CMSS1: variants seen among roughly 807,000 people sequenced by gnomAD.
CMSS1 encodes protein CMSS1.
Under a neutral mutation model 43.5 loss-of-function variants are expected in CMSS1, and 33 were observed. That is an observed-to-expected ratio of 0.76 (90% CI 0.57 to 1.01). The LOEUF is 1.01. Among genes scored for constraint, CMSS1 ranks in the 50% least tolerant of loss-of-function variants. The pLI, the probability that CMSS1 is intolerant of heterozygous loss-of-function variation, is 0.00. For synonymous variants in CMSS1, 115 were observed against 117.2 expected, an observed-to-expected ratio of 0.98 and a Z score of 0.12; for missense variants, 313 against 326.4, an observed-to-expected ratio of 0.96 and a Z score of 0.32.
intron 1 of CMSS1, among the ~76,000 whole-genome samples, chr3:99,955,681 C>T (rs908212417): frequency 2.0e-5 from 3 of 151,996 alleles, no homozygotes; most frequent in Admixed American, 2.0e-4. Context: ...AAATAACTTC[C>T]TGGAGCATTG....
At chr3:99,978,720 C>T (rs953232257) in intron 1 of CMSS1, among the ~76,000 whole-genome samples, 4 of 152,064 alleles carry the variant, frequency 2.6e-5, no homozygotes, top group African/African-American at 9.7e-5. Context: ...CATGGCAAAA[C>T]CCCGCCTCTT....
chr3:100,121,852 G>A (rs1268288744), intron 1 of CMSS1, among the ~76,000 whole-genome samples: 1 of 152,098 alleles, frequency 6.6e-6, no homozygotes, highest in Non-Finnish European at 1.5e-5. Context: ...CCTCACGGAG[G>A]GGCTAGAAAT....
At chr3:99,996,470 T>C (rs1709684789) in intron 1 of CMSS1, among the ~76,000 whole-genome samples, 1 of 152,138 alleles carries the variant, frequency 6.6e-6, no homozygotes, top group Admixed American at 6.5e-5. Context: ...ACCTCTGCCT[T>C]TTACCCAGTT....
intron 1 of CMSS1, among the ~76,000 whole-genome samples, chr3:99,827,604 T>G (rs995446063): frequency 2.0e-5 from 3 of 152,188 alleles, no homozygotes; most frequent in Middle Eastern, 3.4e-3. Context: ...CTACGCAAAT[T>G]TTTTCTTTTT....
intron 1 of CMSS1, among the ~76,000 whole-genome samples, chr3:99,834,188 C>G (rs1384479342): frequency 6.6e-6 from 1 of 152,156 alleles, no homozygotes; most frequent in Non-Finnish European, 1.5e-5. Flanking sequence ...AACTTTATCA[C>G]TACAAGTTTT....
chr3:99,829,168 A>T (rs1014334954), intron 1 of CMSS1, among the ~76,000 whole-genome samples: 1 of 152,216 alleles, frequency 6.6e-6, no homozygotes, highest in Non-Finnish European at 1.5e-5. Flanking sequence ...GATTTCTTCC[A>T]GGGTCATGCT....
chr3:100,094,752 C>T (rs1018327414), intron 1 of CMSS1, among the ~76,000 whole-genome samples: 34 of 137,994 alleles, frequency 2.5e-4, no homozygotes, highest in Non-Finnish European at 5.0e-4. Flanking sequence ...GGCACAATCT[C>T]GGCTCACGGC....
chr3:100,015,808 A>G (rs947920604), intron 1 of CMSS1, among the ~76,000 whole-genome samples: 4 of 152,196 alleles, frequency 2.6e-5, no homozygotes, highest in Admixed American at 6.5e-5. Context: ...AAATGAGAGG[A>G]GGGACTACTG....
intron 1 of CMSS1, among the ~76,000 whole-genome samples, chr3:99,919,947 A>G (rs1379753149): frequency 6.6e-6 from 1 of 152,246 alleles, no homozygotes; most frequent in Non-Finnish European, 1.5e-5. Context: ...ACTTGGACAG[A>G]AAAGGAACAA....
At chr3:100,155,401 C>T (rs2066962628) in intron 2 of CMSS1, among the ~76,000 whole-genome samples, 1 of 152,180 alleles carries the variant, frequency 6.6e-6, no homozygotes, top group African/African-American at 2.4e-5. Context: ...TTAATTGTTT[C>T]CATATGTTCC....
At chr3:100,134,226 C>T (rs2066732339) in intron 1 of CMSS1, among the ~76,000 whole-genome samples, 1 of 152,118 alleles carries the variant, frequency 6.6e-6, no homozygotes. Context: ...TGTACTTCAG[C>T]ATTCCACCTC....
intron 1 of CMSS1, among the ~76,000 whole-genome samples, chr3:100,044,948 G>A (rs1295458721): frequency 6.6e-6 from 1 of 152,164 alleles, no homozygotes; most frequent in Non-Finnish European, 1.5e-5. Flanking sequence ...TCTGATATGA[G>A]GTGCTGTTTC....
At chr3:100,131,683 A>G (rs1343948774) in intron 1 of CMSS1, among the ~76,000 whole-genome samples, 1 of 152,250 alleles carries the variant, frequency 6.6e-6, no homozygotes, top group Non-Finnish European at 1.5e-5. Context: ...ATTTAGGAAA[A>G]TAAAAAAGAA....
chr3:100,008,054 C>G (rs561541167), intron 1 of CMSS1, among the ~76,000 whole-genome samples: 4 of 152,192 alleles, frequency 2.6e-5, no homozygotes, highest in African/African-American at 4.8e-5. Flanking sequence ...TTTCCCTCCT[C>G]CAAGTTGACA....
chr3:99,911,200 T>A (rs893658572), intron 1 of CMSS1, among the ~76,000 whole-genome samples: 1 of 152,032 alleles, frequency 6.6e-6, no homozygotes, highest in Non-Finnish European at 1.5e-5. Context: ...TTCAATCCTA[T>A]TTGGCTGTAA....
chr3:100,041,564 G>A (rs920346094), intron 1 of CMSS1, among the ~76,000 whole-genome samples: 1 of 151,910 alleles, frequency 6.6e-6, no homozygotes, highest in African/African-American at 2.4e-5. Flanking sequence ...GGAATGCCAG[G>A]GAACTTAGCC....
At chr3:99,878,839 C>A (rs763033973) in intron 1 of CMSS1, among the ~76,000 whole-genome samples, 23 of 152,178 alleles carry the variant, frequency 1.5e-4, no homozygotes, top group Non-Finnish European at 2.8e-4. Flanking sequence ...CGCCATTGGC[C>A]ACATAAGTAG....
intron 1 of CMSS1, among the ~76,000 whole-genome samples, chr3:99,909,400 C>A (rs574083321): frequency 1.4e-4 from 22 of 152,138 alleles, no homozygotes; most frequent in African/African-American, 5.3e-4. Context: ...AGCCTTGGGT[C>A]AGGTGAGGGG....
intron 1 of CMSS1, among the ~76,000 whole-genome samples, chr3:99,957,627 C>T (rs115824939): frequency 0.016 from 2,377 of 145,844 alleles, 57 homozygotes; most frequent in African/African-American, 0.056. Context: ...GTAGTTCAGC[C>T]GTCAGACTGG....
Sources: allele counts gnomAD v4.1 joint callset (sites outside exome capture counted in the v4.1 genomes callset), GRCh38; gene constraint gnomAD v4.1.1; transcripts MANE v1.5; gene names NCBI Gene and HGNC (gene_info 2026-07-23, HGNC 2026-07-21).